Variants in MDN1 observed in about 807,000 individuals in gnomAD.
The protein encoded by MDN1 is midasin.
A neutral mutation model predicts 669.2 loss-of-function variants in MDN1; 266 were observed. That is an observed-to-expected ratio of 0.40 (90% CI 0.36 to 0.44). MDN1 has a LOEUF of 0.44. Ranked by LOEUF, MDN1 falls within the 20% of genes least tolerant of loss-of-function variation. The pLI, the probability that MDN1 is intolerant of heterozygous loss-of-function variation, is 1.00. For synonymous variants in MDN1, 2,385 were observed against 2,457.1 expected (o/e 0.97, Z 0.87); for missense variants, 5,940 against 6,754.0 (o/e 0.88, Z 4.22).
rs1049289858 is a variant in MDN1 at position 89,757,418 on chromosome 6, G to A, written c.2702+837C>T. Among the ~76,000 whole-genome samples the A allele has an allele frequency of 2.6e-5, 4 of 152,194 alleles. No individual in the cohort carries two copies. The South Asian group carries it at 6.2e-4, about 24-fold the overall frequency. On this transcript the variant is annotated intron_variant, in intron 19 of 101. Coordinates refer to ENST00000369393, the MANE Select transcript of MDN1 (RefSeq NM_014611.3). ...TTTTCTAATAGCCAAAAGATTACCT[G>A]AGGAAGGAAAGATTTTTATTTTCAA... is the stretch of plus-strand genomic sequence containing the variant.
At chr6:89,803,584 C>CTTTT in intron 1 of MDN1, 30 bp from the exon 2 acceptor site, 35 of 1,287,212 alleles carry the variant, frequency 2.7e-5, no homozygotes, top group Non-Finnish European at 3.0e-5. Flanking sequence ...ACATCTTTCA[C>CTTTT]TTTTTTTTTT....
At position 89,672,316 on chromosome 6, in the gene MDN1, C is replaced by T; in HGVS notation, c.13678G>A (p.Asp4560Asn). 1 of 1,612,870 alleles carries T rather than the reference C, an allele frequency of 6.2e-7. No individual in the cohort carries two copies. Among genetic ancestry groups the T allele is most frequent in the Non-Finnish European group, 8.5e-7 (1 of 1,179,764 alleles). ...QSGHLTKLLE[D>N]DFWADVSTLH... ...GTGCTCACATCGGCCCAGAAGTCAT[C>T]CTCTAAGAGTTTTGTTAGATGTCCT... Residue 4560 changes from aspartate to asparagine, a missense_variant, in exon 82 of 102, where the codon GAT becomes AAT. Asp to Asn is a conservative substitution (Grantham distance 23). This residue lies in a region of MDN1 where 2,280 missense variants were observed against 2,576.3 expected (regional missense o/e 0.88). Coordinates refer to ENST00000369393, the MANE Select transcript of MDN1 (RefSeq NM_014611.3).
chr6:89,719,197 C>T lies in MDN1; in HGVS notation c.5996G>A (p.Gly1999Asp). 2.5e-6 allele frequency: 4 copies of T among 1,613,564 alleles called. No individual in the cohort carries two copies. Among genetic ancestry groups the T allele is most frequent in the Non-Finnish European group, 3.4e-6 (4 of 1,179,556 alleles). ...TCCCATGTATGGGTTGGAATTTGAA[C>T]CAAACACATCCTTGAATACAGCAAT... ...KVIAVFKDVF[G>D]SNSNPYMGTR... The change falls in exon 41 of 102, where the codon GGT (glycine) becomes GAT (aspartate). Residue 1999 changes from glycine (G) to aspartate (D), a missense_variant. Gly to Asp is a moderately conservative substitution (Grantham distance 94). Around this residue, in one of 5 missense-constraint regions of MDN1, gnomAD observed 2,292 missense variants for 2,638.3 expected, o/e 0.87. Transcript: ENST00000369393.
chr6:89,705,305 A>C (rs1265283828), intron 53 of MDN1, among the ~76,000 whole-genome samples: 1 of 152,194 alleles, frequency 6.6e-6, no homozygotes, highest in East Asian at 1.9e-4. Context: ...ATATGTAAAA[A>C]CTGACAGATA....
intron 84 of MDN1, among the ~76,000 whole-genome samples, chr6:89,666,215 C>A (rs1810210498): frequency 6.6e-6 from 1 of 152,196 alleles, no homozygotes; most frequent in Non-Finnish European, 1.5e-5. Context: ...CTCCCAACAT[C>A]TTTTTAAACA....
At position 89,693,115 on chromosome 6, in the gene MDN1, A is replaced by G; in HGVS notation, c.9915T>C (p.Asn3305=). 1 of 1,608,072 alleles carries G rather than the reference A, an allele frequency of 6.2e-7. No individual in the cohort carries two copies. ...GTTTCTTCAACAGGTGACAGGTTAA[A>G]TTATCCAGCCGATCCATCCTTTGGC... is the stretch of plus-strand genomic sequence containing the variant. The part of the protein sequence containing the change: ...LLRQRMDRLD[N]LTCHLLKKQA... Residue 3305 remains asparagine (N), a synonymous_variant, in exon 63 of 102, where the codon AAT becomes AAC. Transcript: ENST00000369393.
chr6:89,780,427 G>C, intron 10 of MDN1, 134 bp from the exon 11 acceptor site: 1 of 468,274 alleles, frequency 2.1e-6, no homozygotes, highest in South Asian at 6.0e-5. Context: ...ACAATGCTTA[G>C]ATAAAAGGTA....
intron 85 of MDN1, among the ~76,000 whole-genome samples, chr6:89,663,982 G>T (rs988071098): frequency 3.3e-5 from 5 of 151,404 alleles, no homozygotes; most frequent in Non-Finnish European, 2.9e-5. Flanking sequence ...GCAGACTACA[G>T]AACGGTATAT....
chr6:89,791,489 T>A (rs1361866609), intron 5 of MDN1, among the ~76,000 whole-genome samples: 1 of 152,178 alleles, frequency 6.6e-6, no homozygotes, highest in Non-Finnish European at 1.5e-5. Flanking sequence ...TGTGAGGTAG[T>A]CATGCAGAAA....
At chr6:89,735,601 G>A (rs1188212159) in intron 33 of MDN1, among the ~76,000 whole-genome samples, 1 of 151,806 alleles carries the variant, frequency 6.6e-6, no homozygotes, top group Non-Finnish European at 1.5e-5. Context: ...AGAGATTTGT[G>A]AACTAAAAAT....
At chr6:89,710,527 C>CA (rs1025178089) in intron 50 of MDN1, among the ~76,000 whole-genome samples, 154 bp downstream of exon 50, 12 of 148,562 alleles carry the variant, frequency 8.1e-5, no homozygotes, top group Non-Finnish European at 1.5e-4. Flanking sequence ...AAAGAAATTT[C>CA]AAAAAAAAAG....
intron 1 of MDN1, among the ~76,000 whole-genome samples, chr6:89,817,558 CA>C (rs1192726974): frequency 6.6e-6 from 1 of 152,032 alleles, no homozygotes; most frequent in Non-Finnish European, 1.5e-5. Flanking sequence ...TCTTCCAGAA[CA>C]AACAAGTTAA....
intron 31 of MDN1, among the ~76,000 whole-genome samples, chr6:89,742,038 T>C (rs1383971644): frequency 6.6e-6 from 1 of 151,774 alleles, no homozygotes. Flanking sequence ...GAGGCAGAGG[T>C]TGCAGTGGGC....
chr6:89,722,778 T>A (rs1814927081), intron 40 of MDN1, among the ~76,000 whole-genome samples, 177 bp downstream of exon 40: 1 of 146,332 alleles, frequency 6.8e-6, no homozygotes, highest in Non-Finnish European at 1.5e-5. Flanking sequence ...ACCTGGGAGG[T>A]GAAGCTGCAG....
chr6:89,656,126 T>C (rs1809271470), intron 91 of MDN1, among the ~76,000 whole-genome samples, 158 bp from the exon 92 acceptor site: 1 of 152,194 alleles, frequency 6.6e-6, no homozygotes, highest in South Asian at 2.1e-4. Context: ...CGGGACTCTA[T>C]ATACTTACAT....
chr6:89,686,621 T>C (rs574722621), intron 69 of MDN1, among the ~76,000 whole-genome samples: 14 of 152,308 alleles, frequency 9.2e-5, no homozygotes, highest in African/African-American at 3.1e-4. Context: ...ACTTCTATCA[T>C]GGACATAGAG....
chr6:89,798,871 G>A, intron 2 of MDN1, among the ~76,000 whole-genome samples: 1 of 152,184 alleles, frequency 6.6e-6, no homozygotes, highest in East Asian at 1.9e-4. Context: ...TCAGGGTGGA[G>A]AGGACCTTTA....
At chr6:89,819,460 G>C (rs1250948263) in intron 1 of MDN1, 46 bp downstream of exon 1, 1 of 1,547,692 alleles carries the variant, frequency 6.5e-7, no homozygotes, top group Admixed American at 1.7e-5. Flanking sequence ...TTACTAGTGG[G>C]GCGACCCAGT....
Position 89,706,063 on chromosome 6 carries a change from T to C in MDN1, c.8144A>G (p.Asn2715Ser), listed in dbSNP as rs746235138. 1.5e-5 allele frequency: 24 copies of C among 1,602,734 alleles called. No homozygotes were observed. The highest frequency in any genetic ancestry group is 1.2e-4 in the South Asian group (11 of 89,246). ...SQGMVSDASA[N>S]EILGSLRWRD... is the part of the protein sequence containing the mutation. ...AAACAAGATGCAGTTCCTTACCTCA[T>C]TGGCACTGGCATCAGACACCATTCC... Residue 2715 changes from asparagine (N) to serine (S), a missense_variant, in exon 53 of 102, where the codon AAT becomes AGT. Asn to Ser is a conservative substitution (Grantham distance 46, BLOSUM62 1). Transcript: ENST00000369393.
Sources: gnomAD v4.1 joint callset for allele counts (sites outside exome capture counted in the v4.1 genomes callset) on GRCh38, gnomAD v4.1.1 for gene constraint, gnomAD v4.1.1 regional missense constraint, MANE v1.5 for transcripts, NCBI Gene and HGNC (gene_info 2026-07-23, HGNC 2026-07-21) for gene names.